KIAA1958: variants seen among roughly 807,000 people sequenced by gnomAD.
The protein encoded by KIAA1958 is uncharacterized protein KIAA1958.
In KIAA1958, 14 loss-of-function variants were observed where a neutral mutation model predicts 47.2. That is an observed-to-expected ratio of 0.30 (90% CI 0.20 to 0.46). The LOEUF is 0.46. KIAA1958 is among the 20% of genes least tolerant of loss of function. The probability of loss-of-function intolerance (pLI) is 1.00; values close to 1 mark genes in which losing one functional copy is unlikely to be tolerated. For missense variants in KIAA1958, 803 were observed against 909.2 expected, an observed-to-expected ratio of 0.88 and a Z score of 1.50; for synonymous variants, 354 against 353.3, an observed-to-expected ratio of 1.00 and a Z score of -0.02.
intron 2 of KIAA1958, among the ~76,000 whole-genome samples, chr9:112,643,775 G>A (rs1471715844): frequency 2.0e-5 from 3 of 152,174 alleles, no homozygotes; most frequent in African/African-American, 7.2e-5. Flanking sequence ...TAAAGCAAAT[G>A]TGAGGCATAG....
intron 1 of KIAA1958, among the ~76,000 whole-genome samples, chr9:112,498,881 C>G (rs1369045955): frequency 6.6e-6 from 1 of 152,120 alleles, no homozygotes; most frequent in Non-Finnish European, 1.5e-5. Flanking sequence ...GTTGACTAAC[C>G]TCTATCCATC....
chr9:112,660,623 AGTAT>A lies in KIAA1958; in HGVS notation c.*555_*558del. The A allele has an allele frequency of 6.4e-6, 1 of 155,640 alleles. No individual in the cohort carries two copies. Among genetic ancestry groups the A allele is most frequent in the Non-Finnish European group, 1.4e-5 (1 of 70,284 alleles). The allele number at this position is 155,640 out of a possible 1,614,324, so 9.6% of individuals were successfully genotyped here. A position where few individuals can be genotyped will look rare whatever the true frequency, so the allele number is the denominator to read the frequency against. The stretch of plus-strand genomic sequence containing the variant: ...GAGGGCAGGCAGCCTTGTGTCGGGG[AGTAT>A]CCTCAAGCGACACTTGGTCATCTGA... On this transcript the variant is annotated 3_prime_UTR_variant, in exon 4 of 4. Coordinates refer to ENST00000337530, the MANE Select transcript of KIAA1958 (RefSeq NM_133465.4).
intron 1 of KIAA1958, among the ~76,000 whole-genome samples, chr9:112,506,030 A>G (rs762297770): frequency 6.6e-6 from 1 of 152,262 alleles, no homozygotes; most frequent in Non-Finnish European, 1.5e-5. Context: ...CTGAACTCAT[A>G]TAATGGATAT....
intron 1 of KIAA1958, among the ~76,000 whole-genome samples, chr9:112,525,068 TAA>T (rs1170930750): frequency 6.6e-6 from 1 of 152,220 alleles, no homozygotes; most frequent in African/African-American, 2.4e-5. Context: ...CATTTGTATC[TAA>T]ACCAGTTGAT....
At chr9:112,657,222 G>A (rs1326433038) in intron 3 of KIAA1958, among the ~76,000 whole-genome samples, 2 of 151,686 alleles carry the variant, frequency 1.3e-5, no homozygotes, top group African/African-American at 2.4e-5. Context: ...CAAGTAGCTG[G>A]GACTGGACTA....
chr9:112,572,272 T>C (rs146649013), intron 1 of KIAA1958, among the ~76,000 whole-genome samples: 9 of 151,942 alleles, frequency 5.9e-5, no homozygotes, highest in African/African-American at 1.9e-4. Context: ...CTTGAGAGAG[T>C]CTTATACGTT....
In KIAA1958 at chr9:112,574,508, C is replaced by T. The variant is rs199709810; in HGVS notation, c.428C>T (p.Thr143Ile). ...GTTGAAGAATATGAAGATGAGAACA[C>T]CCTGTTTGACATGGTTTGTGAGTCT... Reference protein sequence around the residue: ...ETVEEYEDENTLFDMVCESSV... With the variant: ...ETVEEYEDENILFDMVCESSV... Residue 143 changes from threonine to isoleucine, a missense_variant, in exon 2 of 4, where the codon ACC (threonine) becomes ATC (isoleucine). Physicochemically the swap from Thr to Ile is moderately conservative, Grantham distance 89. Around this residue, in one of 2 missense-constraint regions of KIAA1958, gnomAD observed 761 missense variants for 829.3 expected, o/e 0.92. Transcript: ENST00000337530. 4.4e-5 allele frequency: 71 copies of T among 1,614,020 alleles called. No individual in the cohort carries two copies. The highest frequency in any genetic ancestry group is 5.7e-5 in the Non-Finnish European group (67 of 1,180,032).
At chr9:112,616,589 T>A (rs1445149829) in intron 2 of KIAA1958, among the ~76,000 whole-genome samples, 2 of 152,254 alleles carry the variant, frequency 1.3e-5, no homozygotes, top group African/African-American at 4.8e-5. Context: ...ACATATTTTA[T>A]GTTGTTTGAA....
At chr9:112,582,940 A>G (rs926398239) in intron 2 of KIAA1958, among the ~76,000 whole-genome samples, 1 of 152,224 alleles carries the variant, frequency 6.6e-6, no homozygotes, top group Non-Finnish European at 1.5e-5. Flanking sequence ...TCTCTCTGAA[A>G]AGAAAACAAA....
At chr9:112,487,360 A>AC (rs886126213) in intron 1 of KIAA1958, among the ~76,000 whole-genome samples, 3 of 148,130 alleles carry the variant, frequency 2.0e-5, no homozygotes, top group Admixed American at 6.7e-5. Context: ...AGGCGCAGAG[A>AC]CCCCCGGTGG....
At chr9:112,604,571 C>A (rs1402958114) in intron 2 of KIAA1958, among the ~76,000 whole-genome samples, 1 of 152,138 alleles carries the variant, frequency 6.6e-6, no homozygotes, top group Non-Finnish European at 1.5e-5. Flanking sequence ...TGTTTATAAG[C>A]AAAACCAAAC....
intron 3 of KIAA1958, among the ~76,000 whole-genome samples, chr9:112,646,671 G>A (rs1836980201): frequency 6.6e-6 from 1 of 152,182 alleles, no homozygotes; most frequent in African/African-American, 2.4e-5. Context: ...CAAGAGTTCA[G>A]GGCTACAGTG....
intron 2 of KIAA1958, among the ~76,000 whole-genome samples, chr9:112,590,543 G>C (rs1835903990): frequency 6.6e-6 from 1 of 151,948 alleles, no homozygotes; most frequent in African/African-American, 2.4e-5. Context: ...GTAGAGACAG[G>C]GTTTCACTGT....
At chr9:112,592,847 A>T (rs1363977106) in intron 2 of KIAA1958, among the ~76,000 whole-genome samples, 1 of 152,226 alleles carries the variant, frequency 6.6e-6, no homozygotes, top group Non-Finnish European at 1.5e-5. Context: ...GGGACAACGG[A>T]ATACCATGTG....
chr9:112,607,123 G>A (rs1222115627), intron 2 of KIAA1958, among the ~76,000 whole-genome samples: 7 of 152,098 alleles, frequency 4.6e-5, no homozygotes, highest in African/African-American at 1.7e-4. Context: ...TTGGGAGGCC[G>A]AGGTGGGCAG....
intron 1 of KIAA1958, among the ~76,000 whole-genome samples, chr9:112,513,441 A>G (rs1834357021): frequency 2.8e-5 from 4 of 143,978 alleles, no homozygotes; most frequent in African/African-American, 5.2e-5. Context: ...CCCTGTTGAA[A>G]GCCTGGCTTG....
intron 3 of KIAA1958, among the ~76,000 whole-genome samples, chr9:112,658,776 T>G (rs149577452): frequency 0.067 from 10,118 of 151,374 alleles, 442 homozygotes; most frequent in South Asian, 0.095. Context: ...TGGCTAACAC[T>G]GTGAAACCCC....
At chr9:112,573,886 C>T (rs1306209125) in intron 1 of KIAA1958, among the ~76,000 whole-genome samples, 171 bp from the exon 2 acceptor site, 1 of 152,066 alleles carries the variant, frequency 6.6e-6, no homozygotes, top group Non-Finnish European at 1.5e-5. Context: ...TTTTACTTTT[C>T]CTGGTATTCT....
intron 2 of KIAA1958, 35 bp from the exon 3 acceptor site, chr9:112,645,615 A>G: frequency 6.8e-7 from 1 of 1,470,162 alleles, no homozygotes; most frequent in Non-Finnish European, 9.3e-7. Flanking sequence ...GGGAATGGCA[A>G]ATTATTTTAA....
Sources: allele counts gnomAD v4.1 joint callset (sites outside exome capture counted in the v4.1 genomes callset), GRCh38; gene constraint gnomAD v4.1.1; regional missense constraint gnomAD v4.1.1; transcripts MANE v1.5; gene names NCBI Gene and HGNC (gene_info 2026-07-23, HGNC 2026-07-21).